The following IGF1 variants were observed in gnomAD, a reference collection of about 807,000 sequenced individuals.
The protein encoded by IGF1 is insulin like growth factor 1, also known as insulin-like growth factor 1.
Under a neutral mutation model 13.8 loss-of-function variants are expected in IGF1, and 4 were observed. The ratio of observed to expected loss-of-function variants is 0.29; its 90% CI spans 0.14 to 0.66. The LOEUF is 0.66. Ranked by LOEUF, IGF1 falls within the 30% of genes least tolerant of loss-of-function variation. The probability of loss-of-function intolerance (pLI) is 0.78; values close to 1 mark genes in which losing one functional copy is unlikely to be tolerated. For missense variants in IGF1, 124 were observed against 188.5 expected (o/e 0.66, Z 2.00); for synonymous variants, 76 against 72.6 (o/e 1.05, Z -0.23).
At chr12:102,459,255 T>C (rs1879703952) in intron 2 of IGF1, among the ~76,000 whole-genome samples, 1 of 152,170 alleles carries the variant, frequency 6.6e-6, no homozygotes, top group South Asian at 2.1e-4. Context: ...ACTGTCAAAT[T>C]GGGGAGTTTG....
In IGF1 at chr12:102,421,476, G is replaced by A. The variant is rs139467058; in HGVS notation, c.221-1786C>T. On this transcript the variant is annotated intron_variant, in intron 2 of 3. Coordinates refer to ENST00000337514, the MANE Select transcript of IGF1 (RefSeq NM_000618.5). ...CTACGTACTTTTTGCTAAGTGGCTA[G>A]CCAGTAAAGCACAGCTGATACCCTT... 1.1e-4 allele frequency among the ~76,000 whole-genome samples: 17 copies of A among 152,258 alleles called. No homozygotes were observed. In the East Asian group the frequency reaches 2.5e-3, roughly 22 times the overall value.
chr12:102,453,225 G>A (rs576663571), intron 2 of IGF1, among the ~76,000 whole-genome samples: 4 of 152,300 alleles, frequency 2.6e-5, no homozygotes, highest in African/African-American at 9.6e-5. Context: ...TGGCCTAGGA[G>A]GGTCTACATT....
intron 3 of IGF1, among the ~76,000 whole-genome samples, chr12:102,412,406 GCA>G (rs1427881128): frequency 2.0e-5 from 3 of 151,390 alleles, no homozygotes; most frequent in Admixed American, 6.6e-5. Flanking sequence ...ACACACACGC[GCA>G]CACACACACA....
At chr12:102,453,706 T>G (rs1879148783) in intron 2 of IGF1, among the ~76,000 whole-genome samples, 1 of 152,124 alleles carries the variant, frequency 6.6e-6, no homozygotes, top group Non-Finnish European at 1.5e-5. Flanking sequence ...GCTAGGGATG[T>G]GGGGATGGAA....
intron 2 of IGF1, among the ~76,000 whole-genome samples, chr12:102,441,082 G>C (rs1032424120): frequency 6.6e-6 from 1 of 152,172 alleles, no homozygotes; most frequent in Admixed American, 6.5e-5. Flanking sequence ...CTTCTATGCA[G>C]TCCCTTCACT....
intron 2 of IGF1, among the ~76,000 whole-genome samples, chr12:102,428,166 C>T (rs1365810435): frequency 2.1e-5 from 3 of 140,850 alleles, no homozygotes; most frequent in African/African-American, 7.7e-5. Context: ...TAATATCAAG[C>T]ACCCCTTCTA....
chr12:102,424,160 A>G (rs528630920), intron 2 of IGF1, among the ~76,000 whole-genome samples: 1 of 152,188 alleles, frequency 6.6e-6, no homozygotes, highest in South Asian at 2.1e-4. Context: ...TAAGATATAC[A>G]TTTGTTATTC....
At chr12:102,402,988 A>C (rs75043347) in intron 3 of IGF1, among the ~76,000 whole-genome samples, 1 of 152,194 alleles carries the variant, frequency 6.6e-6, no homozygotes, top group African/African-American at 2.4e-5. Context: ...TAATTTTTGT[A>C]AAAAAGAGAC....
At chr12:102,453,668 G>C (rs1464877326) in intron 2 of IGF1, among the ~76,000 whole-genome samples, 1 of 152,172 alleles carries the variant, frequency 6.6e-6, no homozygotes, top group African/African-American at 2.4e-5. Flanking sequence ...GATGAGTTTG[G>C]CCTTAAAAGT....
rs1410568805 is a variant in IGF1, at chr12:102,399,864, A to G, written c.*2643T>C. ...ATTTTAAAAGGTACACACTGGGGACAAGAAATAAAAAGAAGTGCCATCTTG... is the reference window on the plus strand; with the variant it reads ...ATTTTAAAAGGTACACACTGGGGACGAGAAATAAAAAGAAGTGCCATCTTG... On this transcript the variant is annotated 3_prime_UTR_variant, in exon 4 of 4. Coordinates refer to ENST00000337514, the MANE Select transcript of IGF1 (RefSeq NM_000618.5). 6.6e-6 allele frequency: 1 copy of G among 152,224 alleles called. No individual in the cohort carries two copies. The highest frequency in any genetic ancestry group is 1.5e-5 in the Non-Finnish European group (1 of 68,034). 9.4% of individuals were successfully genotyped at this position (152,224 alleles called of 1,614,324 possible). A position where few individuals can be genotyped will look rare whatever the true frequency, so the allele number is the denominator to read the frequency against.
chr12:102,428,101 G>T (rs1349040211), intron 2 of IGF1, among the ~76,000 whole-genome samples: 3 of 151,576 alleles, frequency 2.0e-5, no homozygotes, highest in Non-Finnish European at 4.4e-5. Flanking sequence ...GGATGCACAA[G>T]TCACCCAAAT....
At chr12:102,451,284 C>G (rs992317549) in intron 2 of IGF1, among the ~76,000 whole-genome samples, 33 of 152,206 alleles carry the variant, frequency 2.2e-4, no homozygotes, top group African/African-American at 7.2e-4. Context: ...GAGAGTATTG[C>G]TCTCCTTTCT....
At chr12:102,433,205 A>C (rs972116915) in intron 2 of IGF1, among the ~76,000 whole-genome samples, 1 of 152,154 alleles carries the variant, frequency 6.6e-6, no homozygotes, top group Non-Finnish European at 1.5e-5. Flanking sequence ...TTCTTTCACC[A>C]CATTATTATT....
intron 1 of IGF1, 67 bp downstream of exon 1, chr12:102,480,252 G>A (rs1185778990): frequency 1.4e-6 from 2 of 1,440,632 alleles, no homozygotes; most frequent in Admixed American, 1.7e-5. Context: ...ACAGTTCTAG[G>A]CAGAAGCAAA....
intron 2 of IGF1, among the ~76,000 whole-genome samples, chr12:102,466,121 G>A (rs1486827689): frequency 6.6e-6 from 1 of 152,150 alleles, no homozygotes. Flanking sequence ...TATAAGGCAA[G>A]AAAGAAAAGG....
intron 2 of IGF1, among the ~76,000 whole-genome samples, chr12:102,434,334 G>A (rs1033719782): frequency 3.0e-5 from 4 of 132,738 alleles, no homozygotes; most frequent in Admixed American, 8.7e-5. Context: ...AGAGTGTGAT[G>A]TTCCCCTTCC....
At chr12:102,423,259 G>GAAAAAAAAAAAAAA (rs138450873) in intron 2 of IGF1, 1 of 43,122 alleles carries the variant, frequency 2.3e-5, no homozygotes, top group Non-Finnish European at 3.8e-5. Flanking sequence ...TCGATGCTAC[G>GAAAAAAAAAAAAAA]AAAAAAAAAA....
intron 2 of IGF1, among the ~76,000 whole-genome samples, chr12:102,420,789 G>T (rs1403240613): frequency 2.6e-5 from 4 of 152,140 alleles, no homozygotes; most frequent in African/African-American, 4.8e-5. Flanking sequence ...ATCTCTCCTG[G>T]TCTTCTCCAC....
At chr12:102,419,445 C>A in intron 3 of IGF1, 64 bp downstream of exon 3, 9 of 1,506,862 alleles carry the variant, frequency 6.0e-6, no homozygotes, top group South Asian at 2.5e-5. Context: ...TTCTGCTTGG[C>A]CCACCCACAT....
Sources: allele counts gnomAD v4.1 joint callset (sites outside exome capture counted in the v4.1 genomes callset), GRCh38; gene constraint gnomAD v4.1.1; transcripts MANE v1.5; gene names NCBI Gene and HGNC (gene_info 2026-07-23, HGNC 2026-07-21).